DCC: variants seen among roughly 807,000 people sequenced by gnomAD.
DCC encodes netrin receptor DCC.
Under a neutral mutation model 172.5 loss-of-function variants are expected in DCC, and 58 were observed. That is an observed-to-expected ratio of 0.34 (90% confidence interval 0.27 to 0.42). The LOEUF is 0.42. DCC is among the 10% of genes least tolerant of loss of function. DCC has a pLI of 1.00. For synonymous variants in DCC, 709 were observed against 644.5 expected, an observed-to-expected ratio of 1.10 and a Z score of -1.52; for missense variants, 1,740 against 1,791.0, an observed-to-expected ratio of 0.97 and a Z score of 0.51.
chr18:53,075,451 A>G (rs1336285306), intron 7 of DCC, among the ~76,000 whole-genome samples: 3 of 152,202 alleles, frequency 2.0e-5, no homozygotes, highest in African/African-American at 4.8e-5. Flanking sequence ...GACCAGTGAT[A>G]ATAATAAATC....
chr18:53,301,172 C>T (rs2057136551), intron 12 of DCC, among the ~76,000 whole-genome samples: 1 of 150,084 alleles, frequency 6.7e-6, no homozygotes, highest in Admixed American at 6.7e-5. Flanking sequence ...TCACTGCAAC[C>T]TCCACCTTCC....
chr18:53,231,639 T>C (rs764150385), intron 12 of DCC, among the ~76,000 whole-genome samples: 1 of 152,144 alleles, frequency 6.6e-6, no homozygotes, highest in African/African-American at 2.4e-5. Flanking sequence ...TGATGACTCA[T>C]TTTCAGAGCC....
chr18:53,085,971 CT>C (rs2042873940), intron 7 of DCC, among the ~76,000 whole-genome samples: 1 of 66,738 alleles, frequency 1.5e-5, no homozygotes, highest in Non-Finnish European at 2.8e-5. Context: ...TCTTCTTCTT[CT>C]TCTTCTTCTT....
At chr18:53,332,462 G>A (rs1240520337) in intron 14 of DCC, among the ~76,000 whole-genome samples, 1 of 152,108 alleles carries the variant, frequency 6.6e-6, no homozygotes, top group Non-Finnish European at 1.5e-5. Flanking sequence ...AACTATATGT[G>A]AAATGCTACA....
At chr18:53,006,600 A>G (rs778408024) in intron 5 of DCC, among the ~76,000 whole-genome samples, 1 of 152,228 alleles carries the variant, frequency 6.6e-6, no homozygotes, top group Non-Finnish European at 1.5e-5. Flanking sequence ...TAAACTGTAG[A>G]TAGATAAGGT....
Position 53,108,549 on chromosome 18 carries a change from A to G in DCC, c.1261+42383A>G, listed in dbSNP as rs112855065. On this transcript the variant is annotated intron_variant, in intron 7 of 28. Coordinates refer to ENST00000442544, the MANE Select transcript of DCC (RefSeq NM_005215.4). ...ACAAATTTTGCGTATGTACATAAAA[A>G]TAAATTTCTTTGATAGATTGAAAAG... Among the ~76,000 whole-genome samples the G allele has an allele frequency of 1.7e-3, 252 of 151,956 alleles. 2 individuals carry two copies. Among genetic ancestry groups the G allele is most frequent in the African/African-American group, 5.7e-3 (238 of 41,528 alleles).
chr18:52,461,250 T>A, intron 1 of DCC, among the ~76,000 whole-genome samples: 1 of 152,164 alleles, frequency 6.6e-6, no homozygotes, highest in Non-Finnish European at 1.5e-5. Flanking sequence ...TCTTTCACCT[T>A]CACATGTCTT....
intron 2 of DCC, among the ~76,000 whole-genome samples, chr18:52,847,651 A>C (rs184074777): frequency 1.3e-5 from 2 of 152,160 alleles, no homozygotes; most frequent in African/African-American, 2.4e-5. Flanking sequence ...AATTGGGTCA[A>C]TTCTTCAATT....
At chr18:53,514,253 C>T (rs1302367824) in intron 27 of DCC, among the ~76,000 whole-genome samples, 11 of 151,880 alleles carry the variant, frequency 7.2e-5, no homozygotes, top group East Asian at 1.9e-4. Flanking sequence ...TTGAAACCAA[C>T]GAGAACAAAG....
At chr18:53,515,992 G>A (rs1159008228) in intron 27 of DCC, among the ~76,000 whole-genome samples, 2 of 149,246 alleles carry the variant, frequency 1.3e-5, no homozygotes, top group East Asian at 4.0e-4. Flanking sequence ...GCATCACCGA[G>A]TCAATCCTAA....
At chr18:53,183,046 C>T (rs1249425457) in intron 9 of DCC, among the ~76,000 whole-genome samples, 2 of 152,118 alleles carry the variant, frequency 1.3e-5, no homozygotes, top group African/African-American at 4.8e-5. Flanking sequence ...CAATGTTTTC[C>T]AAATGTGATG....
At chr18:52,859,565 T>C (rs1272050115) in intron 2 of DCC, among the ~76,000 whole-genome samples, 1 of 152,166 alleles carries the variant, frequency 6.6e-6, no homozygotes, top group African/African-American at 2.4e-5. Context: ...AGGTCTTGTT[T>C]TGCAGATGAG....
intron 2 of DCC, among the ~76,000 whole-genome samples, chr18:52,876,219 C>G (rs114560318): frequency 0.016 from 2,404 of 152,224 alleles, 46 homozygotes; most frequent in African/African-American, 0.041. Context: ...TTGGTGGCCA[C>G]TTTTCTGTTT....
chr18:53,184,242 T>C (rs1389788399), intron 9 of DCC, among the ~76,000 whole-genome samples: 1 of 152,128 alleles, frequency 6.6e-6, no homozygotes, highest in Non-Finnish European at 1.5e-5. Flanking sequence ...CAGGCTGTTA[T>C]AGATTGCCTT....
chr18:52,559,519 C>T (rs1273057226), intron 1 of DCC, among the ~76,000 whole-genome samples: 1 of 152,162 alleles, frequency 6.6e-6, no homozygotes, highest in Admixed American at 6.5e-5. Context: ...AGCCACAAGG[C>T]TTAGCATGCA....
In DCC at chr18:52,990,538, C is replaced by CA. The variant is rs1491471632; in HGVS notation, c.985+65168_985+65169insA. ...CTGGGCAACAAGAGCAAAACTCCATCCCAAAAAAAAAAAAAAAAAAAAAAA... is the reference window on the plus strand; with the variant it reads ...CTGGGCAACAAGAGCAAAACTCCATCACCAAAAAAAAAAAAAAAAAAAAAAA... On this transcript the variant is annotated intron_variant, in intron 5 of 28. Transcript: ENST00000442544. Among the ~76,000 whole-genome samples, 752 of 76,220 alleles carry CA rather than the reference C, an allele frequency of 9.9e-3. 203 individuals are homozygous for CA. Among genetic ancestry groups the CA allele is most frequent in the Non-Finnish European group, 0.014 (509 of 36,802 alleles). 50.0% of individuals were successfully genotyped at this position (76,220 alleles called of 152,430 possible).
At chr18:53,178,092 G>A (rs2055136251) in intron 8 of DCC, among the ~76,000 whole-genome samples, 1 of 152,136 alleles carries the variant, frequency 6.6e-6, no homozygotes, top group African/African-American at 2.4e-5. Flanking sequence ...TAGAGGAAGT[G>A]CCTTCTTCAC....
Position 52,584,012 on chromosome 18 carries a change from G to C in DCC, c.92-168042G>C, listed in dbSNP as rs190103959. Among the ~76,000 whole-genome samples, 460 of 152,256 alleles carry C rather than the reference G, an allele frequency of 3.0e-3. 3 individuals are homozygous for C. The highest frequency in any genetic ancestry group is 0.011 in the African/African-American group (437 of 41,554). On this transcript the variant is annotated intron_variant, in intron 1 of 28. Transcript: ENST00000442544. ...GCAGATAGTGAATGTTTCAGAATTT[G>C]TGTTTCTTGAAACAGCATTTTTTTC... is the stretch of plus-strand genomic sequence containing the variant.
rs564323580 is a variant in DCC at position 52,585,199 on chromosome 18, G to A, written c.92-166855G>A. 9.2e-5 allele frequency among the ~76,000 whole-genome samples: 14 copies of A among 152,338 alleles called. No homozygotes were observed. The South Asian group carries it at 2.5e-3, about 27-fold the overall frequency. On this transcript the variant is annotated intron_variant, in intron 1 of 28. Transcript: ENST00000442544. The stretch of plus-strand genomic sequence containing the variant: ...AACATGGAAACCAAACTTGCCAAAT[G>A]AGGAGTGTTTTCTTTGGGAAGACAG...
Sources: gnomAD v4.1 joint callset for allele counts (sites outside exome capture counted in the v4.1 genomes callset) on GRCh38, gnomAD v4.1.1 for gene constraint, MANE v1.5 for transcripts, NCBI Gene and HGNC (gene_info 2026-07-23, HGNC 2026-07-21) for gene names.